Variants in FAF1 observed in about 807,000 individuals in gnomAD.
FAF1 encodes the protein Fas associated factor 1, also known as FAS-associated factor 1.
Under a neutral mutation model 92.5 loss-of-function variants are expected in FAF1, and 25 were observed. The ratio of observed to expected loss-of-function variants is 0.27; its 90% CI spans 0.20 to 0.38. The LOEUF (loss-of-function observed/expected upper bound fraction) is 0.38. Ranked by LOEUF, FAF1 falls within the 10% of genes least tolerant of loss-of-function variation. FAF1 has a pLI of 1.00. For synonymous variants in FAF1, 234 were observed against 273.2 expected, an observed-to-expected ratio of 0.86 and a Z score of 1.42; for missense variants, 636 against 793.3, an observed-to-expected ratio of 0.80 and a Z score of 2.38.
At chr1:50,445,784 A>T (rs1646220952) in intron 18 of FAF1, among the ~76,000 whole-genome samples, 1 of 152,216 alleles carries the variant, frequency 6.6e-6, no homozygotes. Context: ...AAGGAAAGTC[A>T]ACCATCTTGA....
intron 4 of FAF1, among the ~76,000 whole-genome samples, chr1:50,756,939 A>G (rs1485605131): frequency 6.6e-6 from 1 of 152,246 alleles, no homozygotes; most frequent in Non-Finnish European, 1.5e-5. Flanking sequence ...GAAGGGACAC[A>G]GCCAAACCAT....
intron 1 of FAF1, among the ~76,000 whole-genome samples, chr1:50,934,407 G>C (rs1645070821): frequency 6.6e-6 from 1 of 152,162 alleles, no homozygotes; most frequent in South Asian, 2.1e-4. Flanking sequence ...GTGGGCAACA[G>C]ATCTTCTCAT....
intron 2 of FAF1, among the ~76,000 whole-genome samples, chr1:50,835,570 CAAAAAAAAAA>C (rs573942977): frequency 0.16 from 8,613 of 55,008 alleles, 340 homozygotes; most frequent in African/African-American, 0.18. Flanking sequence ...GACTCCATCT[CAAAAAAAAAA>C]AAAAAAAAAA....
chr1:50,851,995 C>T lies in FAF1; in HGVS notation c.114+5934G>A, dbSNP rs372698752. Reference sequence around the variant, plus strand: ...CAAGTTTTCTCCTGAGAATCAGAACCGATAAAAACTTTCAAATAGGTTAGG... The same window carrying T: ...CAAGTTTTCTCCTGAGAATCAGAACTGATAAAAACTTTCAAATAGGTTAGG... On this transcript the variant is annotated intron_variant, in intron 2 of 18. Transcript: ENST00000396153. Among the ~76,000 whole-genome samples the T allele has an allele frequency of 4.0e-5, 6 of 151,826 alleles. No homozygotes were observed. In the South Asian group the frequency reaches 6.2e-4, roughly 16 times the overall value.
At chr1:50,726,099 A>C (rs1658639058) in intron 6 of FAF1, among the ~76,000 whole-genome samples, 1 of 151,992 alleles carries the variant, frequency 6.6e-6, no homozygotes, top group Admixed American at 6.6e-5. Flanking sequence ...CTAAAAATAC[A>C]AAAATAGTTA....
At chr1:50,908,213 T>C (rs1018740436) in intron 1 of FAF1, among the ~76,000 whole-genome samples, 3 of 152,240 alleles carry the variant, frequency 2.0e-5, no homozygotes, top group Non-Finnish European at 4.4e-5. Context: ...GAGTTCTAGT[T>C]TGATTGCACT....
intron 15 of FAF1, among the ~76,000 whole-genome samples, chr1:50,500,489 A>G (rs974330839): frequency 6.6e-6 from 1 of 152,186 alleles, no homozygotes; most frequent in African/African-American, 2.4e-5. Flanking sequence ...AATAACTTCA[A>G]TACATACATC....
At chr1:50,538,493 G>T (rs1333945891) in intron 14 of FAF1, among the ~76,000 whole-genome samples, 2 of 145,532 alleles carry the variant, frequency 1.4e-5, no homozygotes, top group African/African-American at 5.1e-5. Flanking sequence ...AAGGTGCCAA[G>T]AGTTTTTATA....
Position 50,571,446 on chromosome 1 carries a change from C to T in FAF1, c.1114-4215G>A, listed in dbSNP as rs1650433583. Among the ~76,000 whole-genome samples the T allele has an allele frequency of 3.3e-5, 5 of 152,116 alleles. No homozygotes were observed. In the South Asian group the frequency reaches 1.0e-3, roughly 31 times the overall value. On this transcript the variant is annotated intron_variant, in intron 12 of 18. Coordinates refer to ENST00000396153, the MANE Select transcript of FAF1 (RefSeq NM_007051.3). ...ATCGCAGATAATGTAGGTTAAGTAC[C>T]TATTTACAAGGCCTGGCCCATAGTA...
At chr1:50,554,691 A>C (rs1649484784) in intron 13 of FAF1, among the ~76,000 whole-genome samples, 1 of 151,754 alleles carries the variant, frequency 6.6e-6, no homozygotes, top group Non-Finnish European at 1.5e-5. Context: ...ATAATCTGAT[A>C]TATCAAACCT....
chr1:50,777,974 A>C (rs1661026071), intron 4 of FAF1, among the ~76,000 whole-genome samples: 1 of 152,220 alleles, frequency 6.6e-6, no homozygotes, highest in Admixed American at 6.5e-5. Context: ...CAAAAGAAGA[A>C]TGTTTATGTA....
chr1:50,874,756 T>C (rs1644556182), intron 1 of FAF1, among the ~76,000 whole-genome samples: 1 of 143,404 alleles, frequency 7.0e-6, no homozygotes, highest in Non-Finnish European at 1.5e-5. Flanking sequence ...TTTCTTTTCT[T>C]TCTTTTTTTT....
At chr1:50,558,731 C>T (rs1649719072) in intron 13 of FAF1, among the ~76,000 whole-genome samples, 1 of 152,190 alleles carries the variant, frequency 6.6e-6, no homozygotes, top group African/African-American at 2.4e-5. Context: ...TTATTGACAA[C>T]TGTATCTGAG....
rs561576493 is a variant in FAF1, at chr1:50,438,325, A to G, written c.*3115T>C. On this transcript the variant is annotated 3_prime_UTR_variant, in exon 19 of 19. Coordinates refer to ENST00000396153, the MANE Select transcript of FAF1 (RefSeq NM_007051.3). ...TAAGGTCACGCAGCTACTAAGTGGC[A>G]GAAGAGAGGTTCAACTTGGAAGACA... 6.6e-6 allele frequency: 1 copy of G among 152,364 alleles called. No individual in the cohort carries two copies. The highest frequency in any genetic ancestry group is 2.1e-4 in the South Asian group (1 of 4,830). The allele number at this position is 152,364 out of a possible 1,614,324, so 9.4% of individuals were successfully genotyped here.
At chr1:50,936,581 G>T (rs547326388) in intron 1 of FAF1, among the ~76,000 whole-genome samples, 1 of 152,312 alleles carries the variant, frequency 6.6e-6, no homozygotes, top group Admixed American at 6.5e-5. Flanking sequence ...AAGGAGCTTT[G>T]TTAGCCTGCC....
Position 50,746,591 on chromosome 1 carries a change from C to G in FAF1, c.368-1816G>C, listed in dbSNP as rs149345317. The stretch of plus-strand genomic sequence containing the variant: ...TGCTGGGATTACAGGCATGAGCCAC[C>G]GAGCCCGGCCAATGAATTTATATTT... On this transcript the variant is annotated intron_variant, in intron 4 of 18. Coordinates refer to ENST00000396153, the MANE Select transcript of FAF1 (RefSeq NM_007051.3). Among the ~76,000 whole-genome samples the G allele has an allele frequency of 6.5e-4, 98 of 151,742 alleles. No homozygotes were observed. The East Asian group carries it at 9.3e-3, about 14-fold the overall frequency.
At chr1:50,873,133 ATT>A (rs113214638) in intron 1 of FAF1, among the ~76,000 whole-genome samples, 2 of 151,986 alleles carry the variant, frequency 1.3e-5, no homozygotes, top group African/African-American at 4.8e-5. Context: ...GATAATTAGC[ATT>A]TTTTTTAACA....
At chr1:50,773,400 A>G (rs1337824508) in intron 4 of FAF1, among the ~76,000 whole-genome samples, 1 of 152,228 alleles carries the variant, frequency 6.6e-6, no homozygotes, top group African/African-American at 2.4e-5. Context: ...AGGATTATTC[A>G]CGATAGCCAA....
At chr1:50,819,861 T>C (rs1357791150) in intron 2 of FAF1, among the ~76,000 whole-genome samples, 1 of 144,354 alleles carries the variant, frequency 6.9e-6, no homozygotes, top group Non-Finnish European at 1.5e-5. Flanking sequence ...CAGCACTTAC[T>C]AGGAAATTTA....
Sources: gnomAD v4.1 joint callset for allele counts (sites outside exome capture counted in the v4.1 genomes callset) on GRCh38, gnomAD v4.1.1 for gene constraint, MANE v1.5 for transcripts, NCBI Gene and HGNC (gene_info 2026-07-23, HGNC 2026-07-21) for gene names.